Variants in EPB41L4A observed in about 807,000 individuals in gnomAD.
EPB41L4A encodes the protein band 4.1-like protein 4A.
A neutral mutation model predicts 108.6 loss-of-function variants in EPB41L4A; 100 were observed. The ratio of observed to expected loss-of-function variants is 0.92; its 90% CI spans 0.78 to 1.09. The LOEUF is 1.09. Among genes scored for constraint, EPB41L4A ranks in the 50% least tolerant of loss-of-function variants. EPB41L4A has a pLI of 0.00. For synonymous variants in EPB41L4A, 319 were observed against 289.0 expected (o/e 1.10, Z -1.05); for missense variants, 1,030 against 842.7 (o/e 1.22, Z -2.75).
At chr5:112,345,371 TTACA>T (rs1344751466) in intron 1 of EPB41L4A, among the ~76,000 whole-genome samples, 9 of 152,178 alleles carry the variant, frequency 5.9e-5, no homozygotes, top group African/African-American at 1.2e-4. Context: ...ACAGTGGCTG[TTACA>T]TACCATGTTT....
chr5:112,182,096 G>C (rs963550855), intron 18 of EPB41L4A, among the ~76,000 whole-genome samples: 1 of 152,082 alleles, frequency 6.6e-6, no homozygotes, highest in African/African-American at 2.4e-5. Context: ...ACAGTGGTTG[G>C]TTGTGGGGGT....
At chr5:112,176,103 A>G (rs1760847641) in intron 18 of EPB41L4A, among the ~76,000 whole-genome samples, 1 of 152,130 alleles carries the variant, frequency 6.6e-6, no homozygotes, top group Non-Finnish European at 1.5e-5. Flanking sequence ...AATAACTAAG[A>G]CCTGGGGGAA....
At chr5:112,414,003 T>A (rs1009760347) in intron 1 of EPB41L4A, among the ~76,000 whole-genome samples, 2 of 152,212 alleles carry the variant, frequency 1.3e-5, no homozygotes, top group African/African-American at 4.8e-5. Context: ...AGCATGAATG[T>A]AGAAGGTGAA....
intron 1 of EPB41L4A, among the ~76,000 whole-genome samples, chr5:112,401,096 T>C (rs1285172817): frequency 6.6e-6 from 1 of 152,214 alleles, no homozygotes; most frequent in Non-Finnish European, 1.5e-5. Flanking sequence ...ATCCACATTG[T>C]TGAAAATAGG....
At chr5:112,154,042 C>T (rs984378312) in intron 12 of EPB41L4A, among the ~76,000 whole-genome samples, 1 of 152,022 alleles carries the variant, frequency 6.6e-6, no homozygotes, top group Non-Finnish European at 1.5e-5. Context: ...ATTGGTAAAA[C>T]ATTGAAAAAC....
intron 12 of EPB41L4A, among the ~76,000 whole-genome samples, chr5:112,152,454 G>T (rs544930509): frequency 6.6e-6 from 1 of 152,084 alleles, no homozygotes; most frequent in African/African-American, 2.4e-5. Context: ...GGAGCCTTTG[G>T]GTGGTGATTA....
In EPB41L4A at chr5:112,245,335, A is replaced by G. The variant is rs537988194; in HGVS notation, c.796-4525T>C. On this transcript the variant is annotated intron_variant, in intron 9 of 22. Coordinates refer to ENST00000261486, the MANE Select transcript of EPB41L4A (RefSeq NM_022140.5). ...ATGAGGTTTCTACGGACTCATAAAC[A>G]TAAAACAATCAATGCAAAAGAATAA... Among the ~76,000 whole-genome samples the G allele has an allele frequency of 4.6e-5, 7 of 152,352 alleles. No homozygotes were observed. In the East Asian group the frequency reaches 1.2e-3, roughly 25 times the overall value.
intron 2 of EPB41L4A, among the ~76,000 whole-genome samples, chr5:112,306,865 C>CT (rs1754721485): frequency 6.6e-6 from 1 of 152,140 alleles, no homozygotes; most frequent in African/African-American, 2.4e-5. Flanking sequence ...GAACTAAAAG[C>CT]TAAGTTGCCT....
chr5:112,419,644 C>A (rs769891040), upstream of EPB41L4A: 3 of 456,210 alleles, frequency 6.6e-6, no homozygotes, highest in African/African-American at 6.0e-5. Flanking sequence ...CCACGACGCC[C>A]CGACCATGGG....
intron 5 of EPB41L4A, among the ~76,000 whole-genome samples, chr5:112,265,323 G>C (rs1236233616): frequency 3.9e-5 from 6 of 152,222 alleles, no homozygotes; most frequent in Middle Eastern, 6.8e-3. Flanking sequence ...AGCATTTCAA[G>C]TACAAACATT....
Position 112,202,138 on chromosome 5 carries a change from G to C in EPB41L4A, c.1376+2237C>G, listed in dbSNP as rs1053263506. 5.3e-5 allele frequency among the ~76,000 whole-genome samples: 8 copies of C among 152,288 alleles called. No homozygotes were observed. The East Asian group carries it at 1.2e-3, about 22-fold the overall frequency. ...TATTTTCCTTCTAGTTGTACCTGTG[G>C]CATCAACTCTTGCACTCCTGAGAAG... is the stretch of plus-strand genomic sequence containing the variant. On this transcript the variant is annotated intron_variant, in intron 15 of 22. Coordinates refer to ENST00000261486, the MANE Select transcript of EPB41L4A (RefSeq NM_022140.5).
At chr5:112,325,442 T>TAA (rs11294749) in intron 1 of EPB41L4A, among the ~76,000 whole-genome samples, 21 of 103,500 alleles carry the variant, frequency 2.0e-4, no homozygotes, top group African/African-American at 4.0e-4. Context: ...CTCCGTCTCA[T>TAA]AAAAAAAAAA....
In EPB41L4A at chr5:112,353,243, AC is replaced by A. The variant is rs549237212; in HGVS notation, c.100-45754del. ...CAAGCATGCCTGTTGGCATGCTTGA[AC>A]CAAGCAGTGAACCAAGCATGTCTTT... On this transcript the variant is annotated intron_variant, in intron 1 of 22. Coordinates refer to ENST00000261486, the MANE Select transcript of EPB41L4A (RefSeq NM_022140.5). Among the ~76,000 whole-genome samples, 1,301 of 151,726 alleles carry A rather than the reference AC, an allele frequency of 8.6e-3. 14 individuals are homozygous for A. Among genetic ancestry groups the A allele is most frequent in the Middle Eastern group, 0.024 (7 of 294 alleles).
chr5:112,366,928 A>T (rs143572950), intron 1 of EPB41L4A, among the ~76,000 whole-genome samples: 1 of 152,218 alleles, frequency 6.6e-6, no homozygotes. Flanking sequence ...CCCTCAAAGT[A>T]TATCTGAAAG....
chr5:112,161,834 G>C (rs987972550), downstream of EPB41L4A: 4 of 292,706 alleles, frequency 1.4e-5, no homozygotes, highest in African/African-American at 8.9e-5. Flanking sequence ...TTTTAAATTG[G>C]GGTTCCTTCT....
intron 1 of EPB41L4A, among the ~76,000 whole-genome samples, chr5:112,311,801 C>G (rs775925642): frequency 1.3e-5 from 2 of 152,170 alleles, no homozygotes; most frequent in African/African-American, 2.4e-5. Flanking sequence ...CAAAATATTT[C>G]TGGAATGCTG....
chr5:112,244,632 C>CGG (rs1750077072), intron 9 of EPB41L4A, among the ~76,000 whole-genome samples: 1 of 152,146 alleles, frequency 6.6e-6, no homozygotes, highest in African/African-American at 2.4e-5. Context: ...GCGGGGAAGG[C>CGG]TGGTCACCCT....
chr5:112,293,003 T>C (rs1580623327), intron 2 of EPB41L4A, among the ~76,000 whole-genome samples: 1 of 152,150 alleles, frequency 6.6e-6, no homozygotes, highest in Non-Finnish European at 1.5e-5. Context: ...TAAGAAGGTA[T>C]GGGTCACAGA....
At chr5:112,323,073 T>C (rs955156577) in intron 1 of EPB41L4A, among the ~76,000 whole-genome samples, 26 of 152,118 alleles carry the variant, frequency 1.7e-4, no homozygotes, top group African/African-American at 6.0e-4. Context: ...CAAGAATCCA[T>C]TCAGAGTTCT....
Sources: allele counts gnomAD v4.1 joint callset (sites outside exome capture counted in the v4.1 genomes callset), GRCh38; gene constraint gnomAD v4.1.1; transcripts MANE v1.5; gene names NCBI Gene and HGNC (gene_info 2026-07-23, HGNC 2026-07-21).